The following TEKT4 variants were observed in gnomAD, a reference collection of about 807,000 sequenced individuals.
TEKT4 encodes tektin 4.
TEKT4 carries 46 observed loss-of-function variants against 46.0 expected under a neutral mutation model. The ratio of observed to expected loss-of-function variants is 1.00; its 90% CI spans 0.79 to 1.28. The LOEUF is 1.28. TEKT4 is among the 50% of genes most tolerant of loss of function. The pLI, the probability that TEKT4 is intolerant of heterozygous loss-of-function variation, is 0.00. For missense variants in TEKT4, 790 were observed against 622.9 expected (o/e 1.27, Z -2.85); for synonymous variants, 325 against 265.8 (o/e 1.22, Z -2.17).
Position 94,871,738 on chromosome 2 carries a change from C to T in TEKT4, c.159C>T (p.His53=), listed in dbSNP as rs782716198. 3.2e-5 allele frequency: 52 copies of T among 1,612,550 alleles called. No individual in the cohort carries two copies. The East Asian group carries it at 1.1e-3, about 34-fold the overall frequency. The change falls in exon 1 of 6, where the codon CAC becomes CAT. Residue 53 remains histidine, a synonymous_variant. Transcript: ENST00000295201. ...EWFQNCYARY[H]QAFADRDQSE... Reference sequence around the variant, plus strand: ...TCCAGAACTGCTATGCTCGCTACCACCAGGCCTTCGCCGACCGCGACCAGT... The same window carrying T: ...TCCAGAACTGCTATGCTCGCTACCATCAGGCCTTCGCCGACCGCGACCAGT...
intron 2 of TEKT4, 123 bp downstream of exon 2, chr2:94,873,713 A>C: frequency 5.1e-6 from 7 of 1,383,804 alleles, no homozygotes; most frequent in Non-Finnish European, 6.9e-6. Flanking sequence ...GTCACAGTGG[A>C]GCGCAGGACT....
intron 1 of TEKT4, 128 bp downstream of exon 1, chr2:94,872,205 C>A: frequency 1.6e-6 from 2 of 1,250,188 alleles, no homozygotes; most frequent in Non-Finnish European, 2.1e-6. Flanking sequence ...GCACGTGAGA[C>A]CCCTGAGTCC....
Position 94,871,831 on chromosome 2 carries a change from G to A in TEKT4, c.252G>A (p.Gln84=), listed in dbSNP as rs781870340. Residue 84 remains glutamine (Q), a synonymous_variant, in exon 1 of 6, where the codon CAG becomes CAA. Coordinates refer to ENST00000295201, the MANE Select transcript of TEKT4 (RefSeq NM_144705.4). The part of the protein sequence containing the change: ...TETQALAQRT[Q]QDSTRTVGER... ...CCCAGGCGCTGGCGCAGCGCACGCA[G>A]CAAGACTCCACGCGCACAGTGGGCG... 12 of 1,608,098 alleles carry A rather than the reference G, an allele frequency of 7.5e-6. No individual in the cohort carries two copies. Among genetic ancestry groups the A allele is most frequent in the Non-Finnish European group, 8.5e-7 (1 of 1,178,206 alleles).
chr2:94,876,713 T>G lies in TEKT4; in HGVS notation c.1252T>G (p.Cys418Gly). 1 of 1,612,344 alleles carries G rather than the reference T, an allele frequency of 6.2e-7. No individual in the cohort carries two copies. The highest frequency in any genetic ancestry group is 8.5e-7 in the Non-Finnish European group (1 of 1,180,000). Residue 418 changes from cysteine (C) to glycine (G), a missense_variant, in exon 6 of 6, where the codon TGC becomes GGC. By Grantham distance (159) the Cys-to-Gly change is radical. Coordinates refer to ENST00000295201, the MANE Select transcript of TEKT4 (RefSeq NM_144705.4). The stretch of plus-strand genomic sequence containing the variant: ...CAGTCTCTTCATCGACCGCCAGAAG[T>G]GCATGGCCCATCGTACTCGCTACCC... ...TNSLFIDRQK[C>G]MAHRTRYPTI...
chr2:94,874,224 G>C (rs372788110), intron 3 of TEKT4, 116 bp downstream of exon 3: 1 of 1,157,232 alleles, frequency 8.6e-7, no homozygotes, highest in Non-Finnish European at 1.2e-6. Flanking sequence ...GCCCCCGAGG[G>C]CACTTGGGCA....
chr2:94,874,901 A>T lies in TEKT4; in HGVS notation c.839A>T (p.Asp280Val), dbSNP rs1680766830. ...VDCILRDTSE[D>V]LRLQCDAVNL... ...TGCATCCTTCGCGACACCTCCGAGG[A>T]CCTGCGGCTCCAGTGCGACGCCGTG... Residue 280 changes from aspartate to valine, a missense_variant, in exon 4 of 6, where the codon GAC becomes GTC. Transcript: ENST00000295201. 1 of 1,612,056 alleles carries T rather than the reference A, an allele frequency of 6.2e-7. No individual in the cohort carries two copies. The highest frequency in any genetic ancestry group is 8.5e-7 in the Non-Finnish European group (1 of 1,179,526).
At chr2:94,875,944 G>T (rs1272649300) in intron 5 of TEKT4, among the ~76,000 whole-genome samples, 1 of 152,200 alleles carries the variant, frequency 6.6e-6, no homozygotes, top group African/African-American at 2.4e-5. Flanking sequence ...TCATGGGTCG[G>T]GGGGCTCCCA....
In TEKT4 at chr2:94,876,709, G is replaced by A; in HGVS notation, c.1248G>A (p.Gln416=). 6.2e-7 allele frequency: 1 copy of A among 1,612,484 alleles called. No homozygotes were observed. The highest frequency in any genetic ancestry group is 1.1e-5 in the South Asian group (1 of 91,080). The change falls in exon 6 of 6, where the codon CAG becomes CAA. Residue 416 remains glutamine, a synonymous_variant. Transcript: ENST00000295201. ...AMTNSLFIDR[Q]KCMAHRTRYP... ...CCAACAGTCTCTTCATCGACCGCCAGAAGTGCATGGCCCATCGTACTCGCT... is the reference window on the plus strand; with the variant it reads ...CCAACAGTCTCTTCATCGACCGCCAAAAGTGCATGGCCCATCGTACTCGCT...
Position 94,871,567 on chromosome 2 carries a change from G to T in TEKT4, c.-13G>T, listed in dbSNP as rs1680558752. The T allele has an allele frequency of 6.3e-7, 1 of 1,586,214 alleles. No individual in the cohort carries two copies. The highest frequency in any genetic ancestry group is 8.6e-7 in the Non-Finnish European group (1 of 1,166,602). On this transcript the variant is annotated 5_prime_UTR_variant, in exon 1 of 6. Transcript: ENST00000295201. Reference sequence around the variant, plus strand: ...AGTCCTCACTCCCCTGGCCCTGGTGGGCGGCAGGCACCATGGCGCAGACAG... The same window carrying T: ...AGTCCTCACTCCCCTGGCCCTGGTGTGCGGCAGGCACCATGGCGCAGACAG...
At chr2:94,873,840 G>T in intron 2 of TEKT4, 125 bp from the exon 3 acceptor site, 1 of 1,393,758 alleles carries the variant, frequency 7.2e-7, no homozygotes, top group Non-Finnish European at 9.8e-7. Flanking sequence ...CACGAGGGCT[G>T]CCCGGGACAG....
chr2:94,875,733 C>A lies in TEKT4; in HGVS notation c.1082C>A (p.Ala361Asp), dbSNP rs2104119249. 1 of 1,613,762 alleles carries A rather than the reference C, an allele frequency of 6.2e-7. No individual in the cohort carries two copies. The highest frequency in any genetic ancestry group is 8.5e-7 in the Non-Finnish European group (1 of 1,179,786). ...RPNMELCRDA[A>D]QFRLLSEVEE... ...AACATGGAGCTGTGCCGTGACGCAG[C>A]CCAGTTCAGGTGCTGCCTGGGCCTC... The change falls in exon 5 of 6, where the codon GCC (alanine) becomes GAC (aspartate). Residue 361 changes from alanine to aspartate, a missense_variant. Physicochemically the swap from Ala to Asp is moderately radical, Grantham distance 126 (BLOSUM62 -2). Coordinates refer to ENST00000295201, the MANE Select transcript of TEKT4 (RefSeq NM_144705.4).
intron 3 of TEKT4, among the ~76,000 whole-genome samples, chr2:94,874,316 G>A (rs1439747494): frequency 1.3e-5 from 2 of 152,226 alleles, no homozygotes; most frequent in Non-Finnish European, 2.9e-5. Flanking sequence ...CGGCAGACAG[G>A]ACAGAGTAGG....
rs1324190552 is a variant in TEKT4, at chr2:94,876,655, G to C, written c.1194G>C (p.Met398Ile). The C allele has an allele frequency of 1.2e-6, 2 of 1,613,308 alleles. No individual in the cohort carries two copies. Among genetic ancestry groups the C allele is most frequent in the African/African-American group, 2.7e-5 (2 of 74,908 alleles). ...QSLRNLEDIH[M>I]SLEKDIAAMT... ...TGCGCAACCTCGAGGACATCCACAT[G>C]AGCCTGGAGAAGGACATTGCCGCCA... is the stretch of plus-strand genomic sequence containing the variant. The change falls in exon 6 of 6, where the codon ATG (methionine) becomes ATC (isoleucine). Residue 398 changes from methionine (M) to isoleucine (I), a missense_variant. Physicochemically the swap from Met to Ile is conservative, Grantham distance 10. Transcript: ENST00000295201.
intron 4 of TEKT4, 59 bp downstream of exon 4, chr2:94,875,057 C>A: frequency 1.3e-6 from 2 of 1,481,506 alleles, no homozygotes; most frequent in Middle Eastern, 2.4e-4. Context: ...GGGCCCTCAA[C>A]ACCTTTCTCC....
chr2:94,873,157 C>G (rs1422577744), intron 1 of TEKT4: 1 of 1,232,510 alleles, frequency 8.1e-7, no homozygotes, highest in Non-Finnish European at 1.0e-6. Context: ...GGCATCTGGG[C>G]CCCCAGAGTT....
chr2:94,875,825 C>A, intron 5 of TEKT4, 83 bp downstream of exon 5: 1 of 1,388,628 alleles, frequency 7.2e-7, no homozygotes, highest in Non-Finnish European at 9.9e-7. Context: ...ACTCCAACAC[C>A]CCGCACACAC....
intron 1 of TEKT4, chr2:94,873,175 T>G: frequency 8.1e-7 from 1 of 1,239,862 alleles, no homozygotes. Context: ...GTTTGGGTCC[T>G]CAGGGGCTGT....
rs193072346 is a variant in TEKT4 at position 94,875,594 on chromosome 2, C to T, written c.943C>T (p.Arg315Trp). ...KLHHHLHKTL[R>W]EITDQEHNVA... Reference sequence around the variant, plus strand: ...AGAACTGTCCTGTCTGCAGACACTGCGGGAAATCACAGATCAGGAACACAA... The same window carrying T: ...AGAACTGTCCTGTCTGCAGACACTGTGGGAAATCACAGATCAGGAACACAA... The change falls in exon 5 of 6, where the codon CGG becomes TGG. Residue 315 changes from arginine to tryptophan, a missense_variant. Arg to Trp is a moderately radical substitution (Grantham distance 101). Coordinates refer to ENST00000295201, the MANE Select transcript of TEKT4 (RefSeq NM_144705.4). 37 of 1,614,120 alleles carry T rather than the reference C, an allele frequency of 2.3e-5. No homozygotes were observed. In the East Asian group the frequency reaches 3.3e-4, roughly 15 times the overall value.
rs1573179822 is a variant in TEKT4 at position 94,872,090 on chromosome 2, T to G, written c.498+13T>G. 6.6e-7 allele frequency: 1 copy of G among 1,524,704 alleles called. No homozygotes were observed. 94.4% of individuals were successfully genotyped at this position (1,524,704 alleles called of 1,614,324 possible). ...GGAGCTGCTGAAGGTGCCAGCACCC[T>G]TGGGTGGCCGGGATTTGTGGGCGCA... On this transcript the variant is annotated intron_variant, in intron 1 of 5. Transcript: ENST00000295201.
Sources: allele counts gnomAD v4.1 joint callset (sites outside exome capture counted in the v4.1 genomes callset), GRCh38; gene constraint gnomAD v4.1.1; transcripts MANE v1.5; gene names NCBI Gene and HGNC (gene_info 2026-07-23, HGNC 2026-07-21).